SBF2: variants seen among roughly 807,000 people sequenced by gnomAD.
SBF2 encodes the protein myotubularin-related protein 13.
A neutral mutation model predicts 225.2 loss-of-function variants in SBF2; 112 were observed. That is an observed-to-expected ratio of 0.50 (90% CI 0.43 to 0.58). The LOEUF (loss-of-function observed/expected upper bound fraction) is 0.58. SBF2 is among the 20% of genes least tolerant of loss of function. SBF2 has a pLI of 0.00. For synonymous variants in SBF2, 763 were observed against 773.3 expected, an observed-to-expected ratio of 0.99 and a Z score of 0.22; for missense variants, 1,996 against 2,206.2, an observed-to-expected ratio of 0.90 and a Z score of 1.91.
At chr11:9,985,967 A>G (rs1947181614) in intron 13 of SBF2, among the ~76,000 whole-genome samples, 1 of 152,302 alleles carries the variant, frequency 6.6e-6, no homozygotes, top group Non-Finnish European at 1.5e-5. Context: ...TCATCCAACT[A>G]CCACAGAATA....
intron 17 of SBF2, among the ~76,000 whole-genome samples, chr11:9,869,220 T>C (rs1858508447): frequency 6.6e-6 from 1 of 152,238 alleles, no homozygotes. Flanking sequence ...TATCAACCCA[T>C]AAATTTTAAA....
At position 9,832,563 on chromosome 11, in the gene SBF2, A is replaced by C. The variant is rs1172585811; in HGVS notation, c.3456-143T>G. 9 of 679,028 alleles carry C rather than the reference A, an allele frequency of 1.3e-5. No homozygotes were observed. In the East Asian group the frequency reaches 2.4e-4, roughly 18 times the overall value. 42.1% of individuals were successfully genotyped at this position (679,028 alleles called of 1,614,324 possible). ...CATAGTAATTTTCTAAGATTCAGAAACATATTAGTTGAAGGGTAAGATATA... is the reference window on the plus strand; with the variant it reads ...CATAGTAATTTTCTAAGATTCAGAACCATATTAGTTGAAGGGTAAGATATA... On this transcript the variant is annotated intron_variant, in intron 26 of 39. Coordinates refer to ENST00000256190, the MANE Select transcript of SBF2 (RefSeq NM_030962.4).
intron 30 of SBF2, among the ~76,000 whole-genome samples, chr11:9,811,718 C>CTT (rs74334261): frequency 1.1e-4 from 16 of 142,978 alleles, no homozygotes; most frequent in African/African-American, 3.6e-4. Context: ...ACATCATTTC[C>CTT]TTTTTTTTTT....
chr11:10,075,778 T>C (rs1951074022), intron 2 of SBF2, among the ~76,000 whole-genome samples: 1 of 152,130 alleles, frequency 6.6e-6, no homozygotes, highest in South Asian at 2.1e-4. Context: ...CGGTCTTGGG[T>C]AGTTCTTTAT....
rs370862794 is a variant in SBF2, at chr11:10,081,193, T to C, written c.142-38212A>G. Reference sequence around the variant, plus strand: ...AGGTCACAAAAAAAGTCTCAATAAATTTTAAAAAAATCTCAAAATCATACC... The same window carrying C: ...AGGTCACAAAAAAAGTCTCAATAAACTTTAAAAAAATCTCAAAATCATACC... On this transcript the variant is annotated intron_variant, in intron 2 of 39. Coordinates refer to ENST00000256190, the MANE Select transcript of SBF2 (RefSeq NM_030962.4). Among the ~76,000 whole-genome samples, 35 of 152,230 alleles carry C rather than the reference T, an allele frequency of 2.3e-4. No individual in the cohort carries two copies. The East Asian group carries it at 6.6e-3, about 29-fold the overall frequency.
intron 16 of SBF2, among the ~76,000 whole-genome samples, chr11:9,898,857 A>T (rs766248446): frequency 6.6e-6 from 1 of 152,190 alleles, no homozygotes; most frequent in African/African-American, 2.4e-5. Context: ...ATAAGTGAAT[A>T]AATAAAGGAA....
intron 16 of SBF2, among the ~76,000 whole-genome samples, chr11:9,947,599 G>A (rs1745954110): frequency 6.6e-6 from 1 of 152,142 alleles, no homozygotes; most frequent in Admixed American, 6.5e-5. Flanking sequence ...GTGATTGGAA[G>A]GTGGAAGTGA....
At chr11:9,877,511 A>G (rs1859358756) in intron 17 of SBF2, among the ~76,000 whole-genome samples, 1 of 152,122 alleles carries the variant, frequency 6.6e-6, no homozygotes. Context: ...CTCGTCATTT[A>G]CATCAGGTAT....
chr11:9,931,980 G>A (rs1235626376), intron 16 of SBF2, among the ~76,000 whole-genome samples: 7 of 150,832 alleles, frequency 4.6e-5, no homozygotes, highest in East Asian at 3.9e-4. Flanking sequence ...ACTTCGTGAC[G>A]CATGCACAAG....
intron 16 of SBF2, chr11:9,958,556 C>T (rs1866348246): frequency 5.9e-6 from 1 of 169,804 alleles, no homozygotes; most frequent in African/African-American, 2.4e-5. Flanking sequence ...GACGGGGTTT[C>T]ACCGTGTTAG....
chr11:10,152,561 G>A (rs917944332), intron 2 of SBF2, among the ~76,000 whole-genome samples: 111 of 150,972 alleles, frequency 7.4e-4, no homozygotes, highest in African/African-American at 2.6e-3. Context: ...AAAAAAAAAA[G>A]AAGAAGAAAA....
Position 9,858,298 on chromosome 11 carries a change from T to A in SBF2, c.2028A>T (p.Ala676=). The change falls in exon 18 of 40, where the codon GCA becomes GCT. Residue 676 remains alanine, a synonymous_variant. Transcript: ENST00000256190. ...QQFWETTFYN[A]VQEQVRSLYL... ...AAAGGGAGCGAACCTGTTCCTGCAC[T>A]GCATTGTAAAAGGTTGTCTCCCAAA... 1 of 1,614,198 alleles carries A rather than the reference T, an allele frequency of 6.2e-7. No individual in the cohort carries two copies.
intron 17 of SBF2, among the ~76,000 whole-genome samples, chr11:9,860,261 G>T (rs1171484547): frequency 1.6e-5 from 2 of 127,384 alleles, no homozygotes; most frequent in African/African-American, 2.9e-5. Context: ...TTTTGAAACA[G>T]TTTTTTTTTT....
At chr11:10,017,924 T>G (rs796358165) in intron 6 of SBF2, among the ~76,000 whole-genome samples, 15 of 152,274 alleles carry the variant, frequency 9.9e-5, no homozygotes, top group South Asian at 6.2e-4. Flanking sequence ...AGCTCTGAGG[T>G]AATAACATCA....
At chr11:9,997,507 G>A (rs866701307) in intron 9 of SBF2, among the ~76,000 whole-genome samples, 1 of 152,184 alleles carries the variant, frequency 6.6e-6, no homozygotes, top group East Asian at 1.9e-4. Flanking sequence ...GGCCGGGCGC[G>A]GTGGCTCACG....
chr11:10,086,621 C>T (rs559787643), intron 2 of SBF2, among the ~76,000 whole-genome samples: 1 of 152,142 alleles, frequency 6.6e-6, no homozygotes, highest in South Asian at 2.1e-4. Flanking sequence ...TGAATCTGGG[C>T]ACTTTTGTAT....
intron 20 of SBF2, among the ~76,000 whole-genome samples, 162 bp from the exon 21 acceptor site, chr11:9,852,911 A>AC (rs1395718912): frequency 6.6e-6 from 1 of 152,178 alleles, no homozygotes; most frequent in African/African-American, 2.4e-5. Context: ...CTACATATAT[A>AC]CCCAAAAGAA....
intron 2 of SBF2, among the ~76,000 whole-genome samples, chr11:10,048,633 T>C (rs963455747): frequency 2.0e-5 from 3 of 152,310 alleles, no homozygotes; most frequent in East Asian, 3.9e-4. Context: ...GATAAAGATC[T>C]AAGACAATTT....
At chr11:9,844,069 A>G (rs1443311899) in intron 24 of SBF2, among the ~76,000 whole-genome samples, 1 of 152,220 alleles carries the variant, frequency 6.6e-6, no homozygotes, top group Non-Finnish European at 1.5e-5. Context: ...GATAGTTTCT[A>G]AATGTAAAAT....
Sources: allele counts gnomAD v4.1 joint callset (sites outside exome capture counted in the v4.1 genomes callset), GRCh38; gene constraint gnomAD v4.1.1; transcripts MANE v1.5; gene names NCBI Gene and HGNC (gene_info 2026-07-23, HGNC 2026-07-21).